RCAN1: variants seen among roughly 807,000 people sequenced by gnomAD.
RCAN1 encodes the protein calcipressin-1.
Under a neutral mutation model 22.9 loss-of-function variants are expected in RCAN1, and 11 were observed. The ratio of observed to expected loss-of-function variants is 0.48; its 90% CI spans 0.30 to 0.79. The LOEUF is 0.79. Among genes scored for constraint, RCAN1 ranks in the 30% least tolerant of loss-of-function variants. The pLI is 0.06. For missense variants in RCAN1, 291 were observed against 337.8 expected, an observed-to-expected ratio of 0.86 and a Z score of 1.09; for synonymous variants, 136 against 142.3, an observed-to-expected ratio of 0.96 and a Z score of 0.32.
chr21:34,542,767 A>G (rs888517152), intron 1 of RCAN1, among the ~76,000 whole-genome samples: 1 of 152,208 alleles, frequency 6.6e-6, no homozygotes, highest in Non-Finnish European at 1.5e-5. Context: ...AGGTCACCTG[A>G]GTAAGCAGGG....
At chr21:34,572,553 GAAC>G (rs938510277) in intron 1 of RCAN1, among the ~76,000 whole-genome samples, 1 of 152,046 alleles carries the variant, frequency 6.6e-6, no homozygotes, top group Non-Finnish European at 1.5e-5. Flanking sequence ...CTGACATTCA[GAAC>G]AACAACAACA....
intron 1 of RCAN1, among the ~76,000 whole-genome samples, chr21:34,543,458 A>G (rs1478339407): frequency 6.6e-6 from 1 of 152,236 alleles, no homozygotes; most frequent in East Asian, 1.9e-4. Flanking sequence ...TTGCCCTAGA[A>G]GTAACGCAGC....
chr21:34,554,730 C>T (rs1404110863), intron 1 of RCAN1, among the ~76,000 whole-genome samples: 1 of 152,158 alleles, frequency 6.6e-6, no homozygotes, highest in East Asian at 1.9e-4. Context: ...TAAAGACATA[C>T]CTGACACTGG....
At chr21:34,569,380 C>T (rs990767787) in intron 1 of RCAN1, among the ~76,000 whole-genome samples, 1 of 152,208 alleles carries the variant, frequency 6.6e-6, no homozygotes, top group African/African-American at 2.4e-5. Flanking sequence ...TCCTAAAAGA[C>T]TGGGCCTCAA....
chr21:34,521,060 C>T (rs1047383167), intron 3 of RCAN1: 5 of 1,206,744 alleles, frequency 4.1e-6, no homozygotes, highest in African/African-American at 1.6e-5. Flanking sequence ...TTTAAGAAGG[C>T]CAGGTGAGAA....
At chr21:34,605,906 CA>C (rs1988508499) in intron 1 of RCAN1, among the ~76,000 whole-genome samples, 1 of 119,134 alleles carries the variant, frequency 8.4e-6, no homozygotes, top group African/African-American at 3.4e-5. Flanking sequence ...GGCAACAGAG[CA>C]AGACTCGGTC....
At chr21:34,612,761 G>C (rs150550967) in intron 1 of RCAN1, among the ~76,000 whole-genome samples, 1 of 152,160 alleles carries the variant, frequency 6.6e-6, no homozygotes, top group Admixed American at 6.5e-5. Context: ...TTCCAGCCAC[G>C]TGACTTCCTC....
In RCAN1 at chr21:34,611,768, C is replaced by T. The variant is rs562949999; in HGVS notation, c.252+2992G>A. Among the ~76,000 whole-genome samples, 37 of 152,244 alleles carry T rather than the reference C, an allele frequency of 2.4e-4. No homozygotes were observed. In the South Asian group the frequency reaches 3.7e-3, roughly 15 times the overall value. On this transcript the variant is annotated intron_variant, in intron 1 of 3. Transcript: ENST00000313806. ...CACCCCAGTCTTAACAGTAAGACTG[C>T]CACATTGAAACCGCAGAAACTACAT...
At chr21:34,533,804 G>A (rs73900514) in intron 1 of RCAN1, among the ~76,000 whole-genome samples, 2,172 of 152,328 alleles carry the variant, frequency 0.014, 60 homozygotes, top group African/African-American at 0.049. Context: ...GGGGACATGC[G>A]AGTGCATGAG....
chr21:34,565,990 T>C (rs531849031), intron 1 of RCAN1, among the ~76,000 whole-genome samples: 1 of 152,362 alleles, frequency 6.6e-6, no homozygotes, highest in East Asian at 1.9e-4. Flanking sequence ...AGGAACACTT[T>C]CCGTCACCTG....
chr21:34,601,633 A>T (rs1035717710), intron 1 of RCAN1, among the ~76,000 whole-genome samples: 3 of 152,106 alleles, frequency 2.0e-5, no homozygotes, highest in Non-Finnish European at 2.9e-5. Flanking sequence ...CTTGGCTAAC[A>T]CGGTGAAACC....
intron 1 of RCAN1, chr21:34,525,315 G>A (rs889086294): frequency 2.0e-6 from 3 of 1,533,376 alleles, no homozygotes; most frequent in Admixed American, 2.0e-5. Context: ...TGCATTCCCC[G>A]GCTTTTCTTC....
Position 34,613,683 on chromosome 21 carries a change from T to C in RCAN1, c.252+1077A>G. ...AGTAAGACCCTGAGTTCCTGACAATTGCTGCTCTAGAAAGCATGCCTGGAA... is the reference window on the plus strand; with the variant it reads ...AGTAAGACCCTGAGTTCCTGACAATCGCTGCTCTAGAAAGCATGCCTGGAA... On this transcript the variant is annotated intron_variant, in intron 1 of 3. Transcript: ENST00000313806. 5 of 1,330,970 alleles carry C rather than the reference T, an allele frequency of 3.8e-6. No homozygotes were observed. The Middle Eastern group carries it at 9.7e-4, about 258-fold the overall frequency. 82.4% of individuals were successfully genotyped at this position (1,330,970 alleles called of 1,614,324 possible).
At chr21:34,582,395 G>C (rs563785192) in intron 1 of RCAN1, among the ~76,000 whole-genome samples, 1 of 152,082 alleles carries the variant, frequency 6.6e-6, no homozygotes, top group Non-Finnish European at 1.5e-5. Flanking sequence ...TGGTGCGCTC[G>C]CTTAGCTAGG....
chr21:34,554,629 A>C (rs1986487595), intron 1 of RCAN1, among the ~76,000 whole-genome samples: 1 of 152,214 alleles, frequency 6.6e-6, no homozygotes, highest in Non-Finnish European at 1.5e-5. Context: ...TAAAAACAAA[A>C]CAAAAACAAA....
At chr21:34,576,740 T>A (rs1987422356) in intron 1 of RCAN1, among the ~76,000 whole-genome samples, 1 of 152,098 alleles carries the variant, frequency 6.6e-6, no homozygotes. Context: ...CAGCAAGAAA[T>A]CTATGCTAAT....
At chr21:34,568,901 G>C (rs1456462045) in intron 1 of RCAN1, among the ~76,000 whole-genome samples, 2 of 152,196 alleles carry the variant, frequency 1.3e-5, no homozygotes, top group East Asian at 3.8e-4. Context: ...CACATGGCTG[G>C]GGAGGCCTCA....
chr21:34,602,126 C>T (rs1988373336), intron 1 of RCAN1, among the ~76,000 whole-genome samples: 1 of 152,190 alleles, frequency 6.6e-6, no homozygotes, highest in Non-Finnish European at 1.5e-5. Flanking sequence ...TTGATACGAT[C>T]ACAAACGTTA....
At chr21:34,588,113 A>G (rs941983709) in intron 1 of RCAN1, among the ~76,000 whole-genome samples, 1 of 152,236 alleles carries the variant, frequency 6.6e-6, no homozygotes, top group East Asian at 1.9e-4. Flanking sequence ...CTATATACAT[A>G]TACATCCTAT....
Sources: allele counts gnomAD v4.1 joint callset (sites outside exome capture counted in the v4.1 genomes callset), GRCh38; gene constraint gnomAD v4.1.1; transcripts MANE v1.5; gene names NCBI Gene and HGNC (gene_info 2026-07-23, HGNC 2026-07-21).